TBC1D1: variants seen among roughly 807,000 people sequenced by gnomAD.
The protein encoded by TBC1D1 is TBC1 domain family member 1, also known as TBC1 (tre-2/USP6, BUB2, cdc16) domain family, member 1.
In TBC1D1, 89 loss-of-function variants were observed where a neutral mutation model predicts 125.6. The ratio of observed to expected loss-of-function variants is 0.71; its 90% CI spans 0.60 to 0.85. The LOEUF is 0.85. Ranked by LOEUF, TBC1D1 falls within the 40% of genes least tolerant of loss-of-function variation. TBC1D1 has a pLI of 0.00. For missense variants in TBC1D1, 1,377 were observed against 1,469.2 expected (o/e 0.94, Z 1.03); for synonymous variants, 565 against 564.1 (o/e 1.00, Z -0.02).
chr4:38,004,823 G>A (rs1427541799), intron 2 of TBC1D1, among the ~76,000 whole-genome samples: 5 of 152,184 alleles, frequency 3.3e-5, no homozygotes, highest in South Asian at 2.1e-4. Flanking sequence ...TTTAGAAACC[G>A]AAGATAATTA....
chr4:37,929,125 A>T (rs560538113), intron 2 of TBC1D1, among the ~76,000 whole-genome samples: 1 of 152,274 alleles, frequency 6.6e-6, no homozygotes, highest in South Asian at 2.1e-4. Context: ...TCTCTTTTTG[A>T]TGCTTTTATA....
At chr4:38,105,687 G>A (rs966072798) in intron 15 of TBC1D1, among the ~76,000 whole-genome samples, 2 of 152,176 alleles carry the variant, frequency 1.3e-5, no homozygotes, top group South Asian at 4.1e-4. Flanking sequence ...GAGAACATGT[G>A]ATGCTTGGTT....
At chr4:38,034,545 A>G (rs964400651) in intron 7 of TBC1D1, among the ~76,000 whole-genome samples, 4 of 152,192 alleles carry the variant, frequency 2.6e-5, no homozygotes, top group African/African-American at 9.7e-5. Flanking sequence ...TTTGCTTTGA[A>G]TGCTTATTAT....
At chr4:38,031,150 C>T (rs1210217881) in intron 7 of TBC1D1, among the ~76,000 whole-genome samples, 2 of 152,184 alleles carry the variant, frequency 1.3e-5, no homozygotes, top group African/African-American at 2.4e-5. Context: ...AACTGATCAT[C>T]TCAGGATAAG....
At chr4:37,926,423 G>A (rs935579944) in intron 2 of TBC1D1, among the ~76,000 whole-genome samples, 1 of 152,164 alleles carries the variant, frequency 6.6e-6, no homozygotes, top group Admixed American at 6.5e-5. Context: ...TTGCTCCATC[G>A]CTTGGTCAGC....
intron 18 of TBC1D1, among the ~76,000 whole-genome samples, chr4:38,131,861 T>C (rs751203107): frequency 5.3e-5 from 8 of 152,204 alleles, no homozygotes; most frequent in Non-Finnish European, 1.2e-4. Flanking sequence ...CCCACAGATA[T>C]AATGGATTTT....
chr4:38,083,823 T>A (rs1372186289), intron 12 of TBC1D1, among the ~76,000 whole-genome samples: 1 of 152,224 alleles, frequency 6.6e-6, no homozygotes, highest in Non-Finnish European at 1.5e-5. Context: ...TTTCCCTTAT[T>A]TTGGTAGTCT....
At chr4:37,986,094 C>T (rs1037552835) in intron 2 of TBC1D1, among the ~76,000 whole-genome samples, 9 of 152,210 alleles carry the variant, frequency 5.9e-5, no homozygotes, top group African/African-American at 2.2e-4. Context: ...TTCATACCAG[C>T]ACTGCCTATG....
At chr4:38,137,062 C>T in intron 19 of TBC1D1, 73 bp from the exon 22 acceptor site, 1 of 1,603,358 alleles carries the variant, frequency 6.2e-7, no homozygotes, top group Non-Finnish European at 8.5e-7. Context: ...CAAGGCTGGA[C>T]AGCGTGTGGG....
intron 2 of TBC1D1, among the ~76,000 whole-genome samples, chr4:37,911,655 G>T (rs929017716): frequency 1.3e-5 from 2 of 152,108 alleles, no homozygotes; most frequent in Non-Finnish European, 2.9e-5. Flanking sequence ...TTGCAGGTTT[G>T]GTGTTCATTC....
chr4:38,016,228 G>A (rs535400360), intron 3 of TBC1D1, among the ~76,000 whole-genome samples: 1 of 152,338 alleles, frequency 6.6e-6, no homozygotes, highest in East Asian at 1.9e-4. Flanking sequence ...ATTTCTCAGG[G>A]TAATCAGGAA....
At chr4:37,974,290 G>A (rs942377531) in intron 2 of TBC1D1, among the ~76,000 whole-genome samples, 1 of 152,154 alleles carries the variant, frequency 6.6e-6, no homozygotes, top group African/African-American at 2.4e-5. Context: ...GAGTGCAGTG[G>A]CTGAATCTCA....
intron 2 of TBC1D1, among the ~76,000 whole-genome samples, chr4:37,936,802 A>G (rs1264980758): frequency 6.6e-6 from 1 of 152,242 alleles, no homozygotes; most frequent in South Asian, 2.1e-4. Flanking sequence ...TGTTCACTGC[A>G]GAATTCTTGG....
chr4:37,895,021 A>G (rs1172408324), intron 1 of TBC1D1, among the ~76,000 whole-genome samples: 1 of 152,246 alleles, frequency 6.6e-6, no homozygotes, highest in Non-Finnish European at 1.5e-5. Flanking sequence ...TAAAATGTCC[A>G]TGAAGTGGTA....
At chr4:38,054,600 T>G (rs187904147) in intron 12 of TBC1D1, among the ~76,000 whole-genome samples, 1 of 152,280 alleles carries the variant, frequency 6.6e-6, no homozygotes, top group Non-Finnish European at 1.5e-5. Flanking sequence ...TAACCAGCGG[T>G]GAATCCAGAC....
At chr4:37,972,720 T>A (rs879366018) in intron 2 of TBC1D1, among the ~76,000 whole-genome samples, 1 of 151,630 alleles carries the variant, frequency 6.6e-6, no homozygotes, top group Admixed American at 6.6e-5. Flanking sequence ...AGCCTCAACA[T>A]GGAGAAACCC....
chr4:38,115,098 C>CTTTTT (rs56997021), intron 15 of TBC1D1, among the ~76,000 whole-genome samples: 5 of 134,682 alleles, frequency 3.7e-5, no homozygotes, highest in African/African-American at 1.4e-4. Flanking sequence ...TTTCTTTTTT[C>CTTTTT]TTTTTTTTTT....
chr4:38,001,084 G>A (rs1194424927), intron 2 of TBC1D1, among the ~76,000 whole-genome samples: 1 of 152,118 alleles, frequency 6.6e-6, no homozygotes, highest in African/African-American at 2.4e-5. Context: ...GCCGGGCATG[G>A]TGGCGGGCAC....
intron 2 of TBC1D1, among the ~76,000 whole-genome samples, chr4:37,992,775 G>A (rs1430937937): frequency 6.7e-6 from 1 of 149,114 alleles, no homozygotes; most frequent in Non-Finnish European, 1.5e-5. Context: ...TTACAGGTGT[G>A]AGCCACCATG....
Sources: allele counts gnomAD v4.1 joint callset (sites outside exome capture counted in the v4.1 genomes callset), GRCh38; gene constraint gnomAD v4.1.1; transcripts MANE v1.5; gene names NCBI Gene and HGNC (gene_info 2026-07-23, HGNC 2026-07-21).